The following RTEL1 variants were observed in gnomAD, a reference collection of about 807,000 sequenced individuals.
RTEL1 encodes regulator of telomere elongation helicase 1, also known as regulator of telomere length.
RTEL1 carries 86 observed loss-of-function variants against 162.2 expected under a neutral mutation model. The observed-to-expected ratio is 0.53, with a 90% CI of 0.45 to 0.63. The LOEUF is 0.63. Ranked by LOEUF, RTEL1 falls within the 30% of genes least tolerant of loss-of-function variation. The probability of loss-of-function intolerance (pLI) is 0.00; values close to 1 mark genes in which losing one functional copy is unlikely to be tolerated. For missense variants in RTEL1, 1,941 were observed against 1,750.2 expected (o/e 1.11, Z -1.95); for synonymous variants, 958 against 717.9 (o/e 1.33, Z -5.35).
chr20:63,676,508 TTAATCA>T (rs2090351995), intron 10 of RTEL1, among the ~76,000 whole-genome samples: 2 of 152,140 alleles, frequency 1.3e-5, no homozygotes, highest in Admixed American at 6.5e-5. Flanking sequence ...CCTGAATATG[TTAATCA>T]CTGGGGGCTT....
In RTEL1 at chr20:63,661,777, A is replaced by G; in HGVS notation, c.302-73A>G. ...CTGTCTGCAGGGCCGAGTTAGCCGA[A>G]TGCCACCTGCCTTTGATACGTGAGA... is the stretch of plus-strand genomic sequence containing the variant. On this transcript the variant is annotated intron_variant, in intron 3 of 34. Transcript: ENST00000360203. This position sits in a 1 kb window ranked among gnomAD's most constrained non-coding sequence, Gnocchi z 5.1. 4.4e-6 allele frequency: 6 copies of G among 1,361,922 alleles called. No individual in the cohort carries two copies. Among genetic ancestry groups the G allele is most frequent in the Non-Finnish European group, 1.1e-6 (1 of 951,280 alleles). 84.4% of individuals were successfully genotyped at this position (1,361,922 alleles called of 1,614,324 possible).
At chr20:63,684,325 G>A (rs1568701657) in intron 14 of RTEL1, among the ~76,000 whole-genome samples, 1 of 152,126 alleles carries the variant, frequency 6.6e-6, no homozygotes, top group African/African-American at 2.4e-5. Flanking sequence ...TGGTTTTGTC[G>A]TAAGTCCTGG....
In RTEL1 at chr20:63,672,633, C is replaced by T; in HGVS notation, c.765+12C>T. Reference sequence around the variant, plus strand: ...AAGCTCACAACGTGGTGAGTCTCCGCTGGCCTCCTAAACACCTCCTATTGC... The same window carrying T: ...AAGCTCACAACGTGGTGAGTCTCCGTTGGCCTCCTAAACACCTCCTATTGC... On this transcript the variant is annotated intron_variant, in intron 9 of 34. Transcript: ENST00000360203. 1 of 1,573,046 alleles carries T rather than the reference C, an allele frequency of 6.4e-7. No individual in the cohort carries two copies. The highest frequency in any genetic ancestry group is 8.7e-7 in the Non-Finnish European group (1 of 1,155,620).
rs767674666 is a variant in RTEL1 at position 63,694,908 on chromosome 20, G to A, written c.3277G>A (p.Asp1093Asn). ...LTAYKQDDDL[D>N]KVLAVLAALT... ...AGCCTATAAGCAAGACGACGACCTCGACAAGGTGCTGGCTGTGTTGGCCGC... is the reference window on the plus strand; with the variant it reads ...AGCCTATAAGCAAGACGACGACCTCAACAAGGTGCTGGCTGTGTTGGCCGC... The change falls in exon 32 of 35, where the codon GAC becomes AAC. Residue 1093 changes from aspartate to asparagine, a missense_variant. Asp to Asn is a conservative substitution (Grantham distance 23). Coordinates refer to ENST00000360203, the MANE Select transcript of RTEL1 (RefSeq NM_001283009.2). 42 of 1,612,472 alleles carry A rather than the reference G, an allele frequency of 2.6e-5. No individual in the cohort carries two copies. The highest frequency in any genetic ancestry group is 8.8e-5 in the South Asian group (8 of 91,080).
intron 7 of RTEL1, among the ~76,000 whole-genome samples, chr20:63,666,521 A>G (rs1025634489): frequency 3.9e-5 from 6 of 152,172 alleles, no homozygotes; most frequent in African/African-American, 1.4e-4. Flanking sequence ...CTCTTCTTAT[A>G]TTGAGGGGGA....
At chr20:63,685,219 CAG>C (rs1458944904) in intron 14 of RTEL1, among the ~76,000 whole-genome samples, 3 of 152,242 alleles carry the variant, frequency 2.0e-5, no homozygotes, top group Non-Finnish European at 2.9e-5. Context: ...TTGGGGCCCT[CAG>C]GGGCACAGAG....
chr20:63,660,273 C>G (rs1436916149), intron 2 of RTEL1, among the ~76,000 whole-genome samples: 1 of 152,186 alleles, frequency 6.6e-6, no homozygotes, highest in African/African-American at 2.4e-5. Flanking sequence ...GGGTGTTGGG[C>G]TGGGGGACTG....
rs553827008 is a variant in RTEL1, at chr20:63,690,398, G to A, written c.2370G>A (p.Lys790=). The A allele has an allele frequency of 9.9e-6, 16 of 1,610,538 alleles. No homozygotes were observed. Among genetic ancestry groups the A allele is most frequent in the East Asian group, 2.2e-5 (1 of 44,826 alleles). The part of the protein sequence containing the change: ...PGPFFSTRKA[K]SLDLHVPSLK... ...CCTTCTTCTCCACCAGGAAAGCTAA[G>A]AGTCTGGACCTGCATGTCCCCAGCC... The change falls in exon 26 of 35, where the codon AAG becomes AAA. Residue 790 remains lysine (K), a synonymous_variant. Transcript: ENST00000360203.
chr20:63,659,903 G>A (rs1488124696), intron 2 of RTEL1, among the ~76,000 whole-genome samples: 4 of 152,314 alleles, frequency 2.6e-5, no homozygotes, highest in Middle Eastern at 3.4e-3. Context: ...AGAGGAATGC[G>A]GCAGGACAGC....
chr20:63,681,081 A>G, intron 14 of RTEL1: 1 of 985,380 alleles, frequency 1.0e-6, no homozygotes, highest in Non-Finnish European at 1.2e-6. Flanking sequence ...AGCTCTGGAC[A>G]CACGCGGCTT....
chr20:63,680,614 G>A (rs375381072), intron 13 of RTEL1, 50 bp from the exon 14 acceptor site: 533 of 1,598,580 alleles, frequency 3.3e-4, no homozygotes, highest in Non-Finnish European at 4.0e-4. Flanking sequence ...GGCTGGGGTC[G>A]GGGCCTCCCC....
rs1601201929 is a variant in RTEL1, at chr20:63,695,863, C to G, written c.*5C>G. Reference sequence around the variant, plus strand: ...TTCTGGCCAGAGCCCCAGTGAGTGCCCACGGAGGCCCCCAGCACACCCAAC... The same window carrying G: ...TTCTGGCCAGAGCCCCAGTGAGTGCGCACGGAGGCCCCCAGCACACCCAAC... On this transcript the variant is annotated 3_prime_UTR_variant, in exon 35 of 35. Transcript: ENST00000360203. 2.5e-6 allele frequency: 4 copies of G among 1,578,184 alleles called. No homozygotes were observed. In the East Asian group the frequency reaches 9.2e-5, roughly 36 times the overall value.
At chr20:63,673,806 A>G (rs1305470840) in intron 9 of RTEL1, 134 bp from the exon 10 acceptor site, 2 of 964,042 alleles carry the variant, frequency 2.1e-6, no homozygotes, top group Non-Finnish European at 1.6e-6. Context: ...GTGGCCTTTT[A>G]CAGACCCCAG....
chr20:63,659,566 T>C, intron 2 of RTEL1, 62 bp downstream of exon 2: 1 of 1,265,018 alleles, frequency 7.9e-7, no homozygotes, highest in Non-Finnish European at 1.2e-6. Flanking sequence ...GGACGGGGTG[T>C]GCTTCCCTCT....
chr20:63,690,174 A>G lies in RTEL1; in HGVS notation c.2229A>G (p.Arg743=), dbSNP rs1601170877. The G allele has an allele frequency of 1.9e-6, 3 of 1,612,538 alleles. No homozygotes were observed. Among genetic ancestry groups the G allele is most frequent in the Non-Finnish European group, 8.5e-7 (1 of 1,179,818 alleles). Residue 743 remains arginine (R), a synonymous_variant, in exon 25 of 35, where the codon CGA becomes CGG. Coordinates refer to ENST00000360203, the MANE Select transcript of RTEL1 (RefSeq NM_001283009.2). The stretch of plus-strand genomic sequence containing the variant: ...ATGACAACTTTGGCCATGTCATCCG[A>G]GACGTGGCCCAGTTCTTCCGTGTTG... ...RVYDNFGHVI[R]DVAQFFRVAE... is the part of the protein sequence containing the mutation.
chr20:63,681,275 C>G, intron 14 of RTEL1: 1 of 985,418 alleles, frequency 1.0e-6, no homozygotes, highest in Non-Finnish European at 1.2e-6. Context: ...CACCTGCTTT[C>G]CCTGGCGTAG....
intron 10 of RTEL1, among the ~76,000 whole-genome samples, chr20:63,677,697 G>C (rs113486739): frequency 1.4e-4 from 21 of 150,660 alleles, no homozygotes; most frequent in African/African-American, 4.7e-4. Flanking sequence ...CTCTTCCTTC[G>C]CCTGTTGGTG....
intron 14 of RTEL1, chr20:63,680,975 G>A: frequency 1.0e-6 from 1 of 985,226 alleles, no homozygotes; most frequent in Non-Finnish European, 1.2e-6. Flanking sequence ...AAAGGACAGT[G>A]GGGGCCGGGG....
chr20:63,690,826 C>G lies in RTEL1; in HGVS notation c.2435C>G (p.Pro812Arg), dbSNP rs760162930. 27 of 1,605,372 alleles carry G rather than the reference C, an allele frequency of 1.7e-5. No individual in the cohort carries two copies. The highest frequency in any genetic ancestry group is 2.1e-5 in the Non-Finnish European group (25 of 1,177,852). The change falls in exon 27 of 35, where the codon CCC (proline) becomes CGC (arginine). Residue 812 changes from proline (P) to arginine (R), a missense_variant. By Grantham distance (103) the Pro-to-Arg change is moderately radical. Coordinates refer to ENST00000360203, the MANE Select transcript of RTEL1 (RefSeq NM_001283009.2). Reference protein sequence around the residue: ...RSSGSPAAGDPESSLCVEYEQ... With the variant: ...RSSGSPAAGDRESSLCVEYEQ... ...GCAGGGTCACCAGCTGCCGGGGACC[C>G]CGAGAGTAGCCTGTGTGTGGAGTAT...
Sources: allele counts gnomAD v4.1 joint callset (sites outside exome capture counted in the v4.1 genomes callset), GRCh38; gene constraint gnomAD v4.1.1; non-coding constraint Gnocchi (gnomAD v3.1); transcripts MANE v1.5; gene names NCBI Gene and HGNC (gene_info 2026-07-23, HGNC 2026-07-21).